The following APBB2 variants were observed in gnomAD, a reference collection of about 807,000 sequenced individuals.
The protein encoded by APBB2 is amyloid beta precursor protein binding family B member 2, also known as Fe65-like 1.
Under a neutral mutation model 82.5 loss-of-function variants are expected in APBB2, and 38 were observed. That is an observed-to-expected ratio of 0.46 (90% confidence interval 0.36 to 0.60). The LOEUF is 0.60. APBB2 is among the 20% of genes least tolerant of loss of function. The probability of loss-of-function intolerance (pLI) is 0.00; values close to 1 mark genes in which losing one functional copy is unlikely to be tolerated. For missense variants in APBB2, 772 were observed against 972.3 expected (o/e 0.79, Z 2.74); for synonymous variants, 341 against 368.2 (o/e 0.93, Z 0.85).
intron 1 of APBB2, among the ~76,000 whole-genome samples, chr4:41,208,311 G>T (rs200142367): frequency 6.6e-6 from 1 of 152,124 alleles, no homozygotes; most frequent in East Asian, 1.9e-4. Context: ...ACCCAGGCTG[G>T]AGTGCAGTGG....
intron 2 of APBB2, among the ~76,000 whole-genome samples, chr4:41,102,044 T>A (rs1485420769): frequency 6.6e-6 from 1 of 151,826 alleles, no homozygotes; most frequent in African/African-American, 2.4e-5. Context: ...AAATCATTAA[T>A]AAGATAAAAT....
At chr4:40,954,002 C>G (rs1325782056) in intron 6 of APBB2, among the ~76,000 whole-genome samples, 3 of 152,192 alleles carry the variant, frequency 2.0e-5, no homozygotes, top group Non-Finnish European at 4.4e-5. Context: ...GGCCTGAGAA[C>G]AAGCCCATCT....
intron 2 of APBB2, among the ~76,000 whole-genome samples, chr4:41,141,314 CTGTGTGTGT>C (rs1759082350): frequency 7.2e-5 from 2 of 27,638 alleles, no homozygotes; most frequent in Non-Finnish European, 1.6e-4. Context: ...ATGTGTGTGT[CTGTGTGTGT>C]GTGTGTGTCT....
chr4:41,179,480 C>T (rs947337063), intron 1 of APBB2, among the ~76,000 whole-genome samples: 4 of 152,160 alleles, frequency 2.6e-5, no homozygotes, highest in African/African-American at 7.2e-5. Flanking sequence ...TAGTTTTTAT[C>T]TATCAGGTCT....
chr4:40,842,332 C>T (rs1360551945), intron 12 of APBB2: 1 of 454,800 alleles, frequency 2.2e-6, no homozygotes, highest in African/African-American at 2.0e-5. Context: ...CACGTTAAGA[C>T]ACCACGAAGG....
At chr4:41,065,158 C>T (rs1365969695) in intron 4 of APBB2, among the ~76,000 whole-genome samples, 1 of 151,920 alleles carries the variant, frequency 6.6e-6, no homozygotes, top group Non-Finnish European at 1.5e-5. Context: ...CACGGTGGCA[C>T]ATCTGTAGTC....
chr4:40,965,769 T>A (rs1277699449), intron 6 of APBB2, among the ~76,000 whole-genome samples: 1 of 152,094 alleles, frequency 6.6e-6, no homozygotes, highest in African/African-American at 2.4e-5. Flanking sequence ...GAGCCAGAGG[T>A]TCAAGAGAGA....
At chr4:41,188,913 T>C (rs1773674113) in intron 1 of APBB2, among the ~76,000 whole-genome samples, 1 of 151,934 alleles carries the variant, frequency 6.6e-6, no homozygotes, top group Non-Finnish European at 1.5e-5. Context: ...CCCGTCTCAA[T>C]TCAAAAAAAG....
chr4:40,844,630 C>T (rs922532166), intron 12 of APBB2, among the ~76,000 whole-genome samples: 2 of 152,170 alleles, frequency 1.3e-5, no homozygotes, highest in South Asian at 2.1e-4. Flanking sequence ...CTGTGCTACT[C>T]GGTTCCACCT....
chr4:41,159,199 G>C (rs1764230348), intron 1 of APBB2, among the ~76,000 whole-genome samples: 1 of 152,148 alleles, frequency 6.6e-6, no homozygotes, highest in African/African-American at 2.4e-5. Flanking sequence ...CAAGAGAAAT[G>C]TATTAGCCTT....
In APBB2 at chr4:40,832,839, G is replaced by A. The variant is rs576277086; in HGVS notation, c.1530-2262C>T. On this transcript the variant is annotated intron_variant, in intron 12 of 17. Coordinates refer to ENST00000508593, the MANE Select transcript of APBB2 (RefSeq NM_004307.2). This position sits in a 1 kb window ranked among gnomAD's most constrained non-coding sequence, Gnocchi z 4.8. ...TCTAGTTCAGGCCTGGCGTATCACC[G>A]GTACTAATACATGTTTGCGGGCTGA... Among the ~76,000 whole-genome samples the A allele has an allele frequency of 1.3e-5, 2 of 152,292 alleles. No homozygotes were observed. The highest frequency in any genetic ancestry group is 4.2e-4 in the South Asian group (2 of 4,818).
At chr4:41,188,411 A>C (rs1183869996) in intron 1 of APBB2, among the ~76,000 whole-genome samples, 1 of 152,146 alleles carries the variant, frequency 6.6e-6, no homozygotes, top group Non-Finnish European at 1.5e-5. Context: ...ATGTGATGGT[A>C]CTGGGAGGTG....
At chr4:40,817,564 T>C (rs1164719202) in intron 17 of APBB2, among the ~76,000 whole-genome samples, 1 of 152,162 alleles carries the variant, frequency 6.6e-6, no homozygotes, top group Admixed American at 6.5e-5. Flanking sequence ...AGACTTCTCC[T>C]ATGCGTGGGT....
intron 1 of APBB2, among the ~76,000 whole-genome samples, chr4:41,157,573 A>C (rs974455887): frequency 1.4e-4 from 22 of 152,228 alleles, no homozygotes; most frequent in Admixed American, 1.1e-3. Flanking sequence ...AACAGCACAC[A>C]CAACTGCTGC....
At chr4:40,819,901 T>C (rs1308577772) in intron 17 of APBB2, among the ~76,000 whole-genome samples, 1 of 152,002 alleles carries the variant, frequency 6.6e-6, no homozygotes, top group African/African-American at 2.4e-5. Flanking sequence ...CACCTCGACC[T>C]CCTGGGTTTG....
chr4:41,117,893 G>A (rs1187042121), intron 2 of APBB2, among the ~76,000 whole-genome samples: 3 of 152,188 alleles, frequency 2.0e-5, no homozygotes, highest in African/African-American at 7.2e-5. Context: ...AAAAAGGACA[G>A]TATTTGACTC....
chr4:40,992,681 G>A (rs872179), intron 6 of APBB2, among the ~76,000 whole-genome samples: 36 of 151,922 alleles, frequency 2.4e-4, no homozygotes, highest in African/African-American at 8.2e-4. Context: ...GAAGTAACGC[G>A]GGAAGTATGA....
At chr4:41,153,460 C>T (rs1029752191) in intron 1 of APBB2, among the ~76,000 whole-genome samples, 9 of 152,130 alleles carry the variant, frequency 5.9e-5, no homozygotes, top group Admixed American at 5.9e-4. Context: ...AAATCTGCAA[C>T]CCAAAATTAC....
chr4:41,106,923 C>T (rs1747474178), intron 2 of APBB2, among the ~76,000 whole-genome samples: 1 of 151,942 alleles, frequency 6.6e-6, no homozygotes, highest in African/African-American at 2.4e-5. Context: ...CAAGGGAGTG[C>T]TCAAATGCTA....
Sources: gnomAD v4.1 joint callset for allele counts (sites outside exome capture counted in the v4.1 genomes callset) on GRCh38, gnomAD v4.1.1 for gene constraint, Gnocchi (gnomAD v3.1) non-coding constraint, MANE v1.5 for transcripts, NCBI Gene and HGNC (gene_info 2026-07-23, HGNC 2026-07-21) for gene names.